Variants in TBC1D1 observed in about 807,000 individuals in gnomAD.
TBC1D1 encodes the protein TBC1 (tre-2/USP6, BUB2, cdc16) domain family, member 1.
A neutral mutation model predicts 125.6 loss-of-function variants in TBC1D1; 89 were observed. The observed-to-expected ratio is 0.71, with a 90% confidence interval of 0.60 to 0.85. The LOEUF (loss-of-function observed/expected upper bound fraction) is 0.85. TBC1D1 is among the 40% of genes least tolerant of loss of function. TBC1D1 has a pLI of 0.00. For missense variants in TBC1D1, 1,377 were observed against 1,469.2 expected (o/e 0.94, Z 1.03); for synonymous variants, 565 against 564.1 (o/e 1.00, Z -0.02).
chr4:37,970,638 T>C (rs1399065643), intron 2 of TBC1D1, among the ~76,000 whole-genome samples: 1 of 152,230 alleles, frequency 6.6e-6, no homozygotes, highest in African/African-American at 2.4e-5. Context: ...TTTGTCACTC[T>C]TTTCCCTGCC....
rs183717570 is a variant in TBC1D1 at position 37,955,572 on chromosome 4, G to C, written c.417+53060G>C. 2.2e-3 allele frequency among the ~76,000 whole-genome samples: 330 copies of C among 152,316 alleles called. 1 individual carries two copies. Among genetic ancestry groups the C allele is most frequent in the Admixed American group, 4.7e-3 (72 of 15,306 alleles). On this transcript the variant is annotated intron_variant, in intron 2 of 19. Coordinates refer to ENST00000261439, the MANE Select transcript of TBC1D1 (RefSeq NM_015173.4). ...GTTATAAGAAAAAATGTCTGTACAT[G>C]TTCAGTACAGACACAACCATCCTTT... is the stretch of plus-strand genomic sequence containing the variant.
intron 19 of TBC1D1, among the ~76,000 whole-genome samples, chr4:38,136,893 C>CA (rs1388643261): frequency 6.6e-6 from 1 of 152,142 alleles, no homozygotes; most frequent in Non-Finnish European, 1.5e-5. Context: ...TCGGCTTCCA[C>CA]AGCAGCCATA....
chr4:38,035,054 G>T (rs750087565), intron 7 of TBC1D1, among the ~76,000 whole-genome samples: 5 of 152,196 alleles, frequency 3.3e-5, no homozygotes, highest in African/African-American at 9.7e-5. Context: ...AAGTTAAAAG[G>T]CATAGAGAGA....
At chr4:37,990,753 C>T (rs1005600333) in intron 2 of TBC1D1, among the ~76,000 whole-genome samples, 4 of 152,128 alleles carry the variant, frequency 2.6e-5, no homozygotes, top group Non-Finnish European at 4.4e-5. Flanking sequence ...GAAAGAACAT[C>T]GTACCAAAGT....
At chr4:38,079,907 G>A (rs1402644574) in intron 12 of TBC1D1, among the ~76,000 whole-genome samples, 1 of 152,212 alleles carries the variant, frequency 6.6e-6, no homozygotes, top group East Asian at 1.9e-4. Context: ...TGTAAAGTAA[G>A]TGGCTAAAAA....
At chr4:37,974,863 T>C (rs564564018) in intron 2 of TBC1D1, among the ~76,000 whole-genome samples, 6 of 152,306 alleles carry the variant, frequency 3.9e-5, no homozygotes, top group Non-Finnish European at 7.4e-5. Flanking sequence ...CCAGCCTCTC[T>C]ATGCCTTTAC....
At position 38,052,175 on chromosome 4, in the gene TBC1D1, G is replaced by A. The variant is rs1750693359; in HGVS notation, c.1911-2024G>A. 9 of 355,608 alleles carry A rather than the reference G, an allele frequency of 2.5e-5. No homozygotes were observed. The Admixed American group carries it at 3.1e-4, about 12-fold the overall frequency. 22.0% of individuals were successfully genotyped at this position (355,608 alleles called of 1,614,324 possible). On this transcript the variant is annotated intron_variant, in intron 11 of 19. Coordinates refer to ENST00000261439, the MANE Select transcript of TBC1D1 (RefSeq NM_015173.4). ...TGCAGGAAGCAGAGCCACTGTGTGT[G>A]TGTGTGTGTGTGTGTGTGTGCGCGC...
chr4:37,940,159 G>A (rs1725251422), intron 2 of TBC1D1, among the ~76,000 whole-genome samples: 1 of 152,168 alleles, frequency 6.6e-6, no homozygotes, highest in Non-Finnish European at 1.5e-5. Context: ...CCATGAGCAT[G>A]GAATGTTCTT....
At chr4:38,077,659 A>C (rs887900032) in intron 12 of TBC1D1, among the ~76,000 whole-genome samples, 3 of 141,126 alleles carry the variant, frequency 2.1e-5, no homozygotes, top group African/African-American at 8.2e-5. Context: ...GCCTTCAATG[A>C]ATTTTGTCTG....
chr4:38,122,259 C>T (rs1188277029), intron 17 of TBC1D1, among the ~76,000 whole-genome samples: 1 of 152,220 alleles, frequency 6.6e-6, no homozygotes, highest in Admixed American at 6.5e-5. Context: ...ACATCATCTC[C>T]TTACCAGTGC....
chr4:38,053,252 C>G, intron 11 of TBC1D1, 27 bp downstream of exon 13: 1 of 1,442,902 alleles, frequency 6.9e-7, no homozygotes, highest in Non-Finnish European at 9.1e-7. Context: ...ATATATCAAG[C>G]CTGGGTGTTA....
chr4:37,973,563 G>A (rs936768241), intron 2 of TBC1D1, among the ~76,000 whole-genome samples: 3 of 152,154 alleles, frequency 2.0e-5, no homozygotes, highest in African/African-American at 4.8e-5. Context: ...TCTAAGTTCT[G>A]GGCATTTTTG....
At chr4:38,063,848 A>T (rs28497086) in intron 12 of TBC1D1, among the ~76,000 whole-genome samples, 2 of 151,734 alleles carry the variant, frequency 1.3e-5, no homozygotes, top group Non-Finnish European at 2.9e-5. Flanking sequence ...AGACTGGTCT[A>T]CAACTCATGG....
chr4:38,110,211 A>G (rs947587415), intron 15 of TBC1D1: 10 of 985,180 alleles, frequency 1.0e-5, no homozygotes, highest in African/African-American at 3.5e-5. Context: ...AAGGCAGGAC[A>G]CTCTTGAGAT....
intron 2 of TBC1D1, among the ~76,000 whole-genome samples, chr4:37,968,788 G>A (rs1231560383): frequency 1.4e-5 from 2 of 144,994 alleles, no homozygotes; most frequent in African/African-American, 2.7e-5. Flanking sequence ...GACAGGCAAG[G>A]AGGGATTGGA....
At chr4:37,898,470 T>C (rs1715116740) in intron 1 of TBC1D1, among the ~76,000 whole-genome samples, 1 of 152,226 alleles carries the variant, frequency 6.6e-6, no homozygotes, top group Admixed American at 6.5e-5. Context: ...TTTTCCATCA[T>C]GTTTCTACAG....
intron 12 of TBC1D1, among the ~76,000 whole-genome samples, chr4:38,081,310 C>T (rs562307112): frequency 4.6e-5 from 7 of 152,220 alleles, no homozygotes; most frequent in East Asian, 1.9e-4. Flanking sequence ...AGGAGGAAGC[C>T]GTCTCCGAGG....
chr4:38,043,729 A>G (rs1287788693), intron 8 of TBC1D1, among the ~76,000 whole-genome samples: 2 of 152,144 alleles, frequency 1.3e-5, no homozygotes, highest in Non-Finnish European at 2.9e-5. Context: ...TGCAGAGAAG[A>G]ATGAAAGGAT....
chr4:38,099,702 G>A (rs1289824309), intron 14 of TBC1D1, among the ~76,000 whole-genome samples: 1 of 152,178 alleles, frequency 6.6e-6, no homozygotes, highest in Non-Finnish European at 1.5e-5. Context: ...CCCAGACCCT[G>A]CCTGCAAGCC....
Sources: gnomAD v4.1 joint callset for allele counts (sites outside exome capture counted in the v4.1 genomes callset) on GRCh38, gnomAD v4.1.1 for gene constraint, MANE v1.5 for transcripts, NCBI Gene and HGNC (gene_info 2026-07-23, HGNC 2026-07-21) for gene names.